Variants in VWA8 observed in about 807,000 individuals in gnomAD.
VWA8 encodes the protein von Willebrand factor A domain containing 8, also known as von Willebrand factor A domain-containing protein 8.
In VWA8, 221 loss-of-function variants were observed where a neutral mutation model predicts 241.5. The ratio of observed to expected loss-of-function variants is 0.91; its 90% CI spans 0.82 to 1.02. The LOEUF (loss-of-function observed/expected upper bound fraction) is 1.02, where lower values mean the gene tolerates loss of function less well. VWA8 is among the 50% of genes least tolerant of loss of function. The pLI, the probability that VWA8 is intolerant of heterozygous loss-of-function variation, is 0.00. For missense variants in VWA8, 2,322 were observed against 2,328.7 expected (o/e 1.00, Z 0.06); for synonymous variants, 852 against 827.1 (o/e 1.03, Z -0.52).
intron 37 of VWA8, among the ~76,000 whole-genome samples, chr13:41,660,566 G>T (rs1410802228): frequency 6.6e-6 from 1 of 152,182 alleles, no homozygotes; most frequent in East Asian, 1.9e-4. Context: ...GGACTCCCAA[G>T]AGTCCCATTC....
intron 4 of VWA8, 121 bp downstream of exon 4, chr13:41,907,465 T>C (rs1441809365): frequency 5.2e-6 from 4 of 767,424 alleles, no homozygotes; most frequent in Non-Finnish European, 8.5e-6. Context: ...TAAATCTGTC[T>C]AGAGAGAGCA....
chr13:41,828,545 A>G (rs1041600875), intron 14 of VWA8, among the ~76,000 whole-genome samples: 2 of 152,234 alleles, frequency 1.3e-5, no homozygotes, highest in Non-Finnish European at 2.9e-5. Context: ...AAAATGTCAA[A>G]AATAGACTAC....
intron 42 of VWA8, among the ~76,000 whole-genome samples, chr13:41,576,691 A>AAGAT (rs1311133103): frequency 2.0e-5 from 3 of 152,230 alleles, no homozygotes; most frequent in African/African-American, 7.2e-5. Context: ...AAATATGTAA[A>AAGAT]AGATATACAT....
At chr13:41,855,796 T>C (rs1872724016) in intron 12 of VWA8, among the ~76,000 whole-genome samples, 1 of 152,140 alleles carries the variant, frequency 6.6e-6, no homozygotes. Context: ...ATGTATGAAT[T>C]ATACCTCAGT....
At chr13:41,935,138 C>T (rs1340452915) in intron 2 of VWA8, among the ~76,000 whole-genome samples, 3 of 152,148 alleles carry the variant, frequency 2.0e-5, no homozygotes, top group East Asian at 1.9e-4. Context: ...CTGACATGCA[C>T]GAAAGGAGCA....
rs754590759 is a variant in VWA8, at chr13:41,891,421, C to A, written c.650G>T (p.Arg217Leu). ...MSAERYDKLLRDHTKKELDSW... is the reference protein window; with the variant it reads ...MSAERYDKLLLDHTKKELDSW... The stretch of plus-strand genomic sequence containing the variant: ...AGCAACAGGATTTTCTTTTCTTACT[C>A]GGAGAAGTTTGTCGTAACGCTCAGC... The change falls in exon 5 of 45, where the codon CGA becomes CTA. Residue 217 changes from arginine (R) to leucine (L), a missense_variant and splice_region_variant. Coordinates refer to ENST00000379310, the MANE Select transcript of VWA8 (RefSeq NM_015058.2). 6 of 1,614,018 alleles carry A rather than the reference C, an allele frequency of 3.7e-6. No individual in the cohort carries two copies. The highest frequency in any genetic ancestry group is 1.1e-5 in the South Asian group (1 of 91,046).
At chr13:41,615,171 G>T in intron 37 of VWA8, 87 bp from the exon 38 acceptor site, 2 of 1,348,072 alleles carry the variant, frequency 1.5e-6, no homozygotes, top group South Asian at 1.3e-5. Context: ...TTTCTCCTAA[G>T]TCCTTAAGGT....
At chr13:41,805,995 C>CAAAAAA (rs1215137704) in intron 17 of VWA8, among the ~76,000 whole-genome samples, 1 of 86,522 alleles carries the variant, frequency 1.2e-5, no homozygotes, top group African/African-American at 3.8e-5. Context: ...TTAAAAAATT[C>CAAAAAA]AAAAATAAAA....
intron 39 of VWA8, among the ~76,000 whole-genome samples, chr13:41,608,463 C>T (rs967367936): frequency 1.3e-5 from 2 of 152,210 alleles, no homozygotes; most frequent in East Asian, 1.9e-4. Flanking sequence ...AGCTGCTTCA[C>T]ATCCTAGTAA....
At chr13:41,593,929 T>C (rs2044472547) in intron 40 of VWA8, among the ~76,000 whole-genome samples, 1 of 152,130 alleles carries the variant, frequency 6.6e-6, no homozygotes, top group Non-Finnish European at 1.5e-5. Context: ...GTATATAACA[T>C]GTTACTTATT....
At chr13:41,848,841 A>C (rs1292688645) in intron 12 of VWA8, among the ~76,000 whole-genome samples, 2 of 152,174 alleles carry the variant, frequency 1.3e-5, no homozygotes, top group African/African-American at 4.8e-5. Context: ...GCAGCTACCT[A>C]AATCTGGGAG....
intron 38 of VWA8, among the ~76,000 whole-genome samples, chr13:41,612,222 T>C (rs1394969263): frequency 6.6e-6 from 1 of 152,098 alleles, no homozygotes; most frequent in Non-Finnish European, 1.5e-5. Context: ...ATAAATACTG[T>C]TTTTTTCTGT....
chr13:41,685,202 A>C lies in VWA8; in HGVS notation c.4172T>G (p.Leu1391Trp). The C allele has an allele frequency of 6.2e-7, 1 of 1,613,276 alleles. No homozygotes were observed. The highest frequency in any genetic ancestry group is 8.5e-7 in the Non-Finnish European group (1 of 1,179,648). ...TGTATCAGTGCCACTTCGTTTATGC[A>C]AAGATGATGGTCTCTTCCAAGAATA... ...EVYSWKRPSSLHKRSGTDTSF... is the reference protein window; with the variant it reads ...EVYSWKRPSSWHKRSGTDTSF... The change falls in exon 35 of 45, where the codon TTG (leucine) becomes TGG (tryptophan). Residue 1391 changes from leucine to tryptophan, a missense_variant. Physicochemically the swap from Leu to Trp is moderately conservative, Grantham distance 61 (BLOSUM62 -2). Transcript: ENST00000379310.
intron 41 of VWA8, 127 bp downstream of exon 41, chr13:41,590,513 T>A: frequency 4.2e-6 from 4 of 958,472 alleles, no homozygotes; most frequent in Non-Finnish European, 5.8e-6. Flanking sequence ...TTTTTTTTTT[T>A]AACATAATGC....
intron 40 of VWA8, among the ~76,000 whole-genome samples, chr13:41,601,324 T>C (rs1253505975): frequency 6.6e-6 from 1 of 152,120 alleles, no homozygotes; most frequent in African/African-American, 2.4e-5. Context: ...ATCTTATCAA[T>C]CTCTGTGCCC....
At chr13:41,618,005 G>T (rs2044632827) in intron 37 of VWA8, among the ~76,000 whole-genome samples, 1 of 152,168 alleles carries the variant, frequency 6.6e-6, no homozygotes, top group Non-Finnish European at 1.5e-5. Context: ...TAATGGGATG[G>T]CTGGGTCAAA....
chr13:41,787,617 C>T, intron 17 of VWA8, 74 bp from the exon 18 acceptor site: 1 of 759,130 alleles, frequency 1.3e-6, no homozygotes. Context: ...TACACACACA[C>T]ACACACACAC....
chr13:41,579,601 T>C (rs1424514814), intron 42 of VWA8, among the ~76,000 whole-genome samples: 2 of 152,230 alleles, frequency 1.3e-5, no homozygotes, highest in African/African-American at 4.8e-5. Context: ...CATGGGGTAA[T>C]ATCTGTCTTA....
Position 41,891,492 on chromosome 13 carries a change from C to A in VWA8, c.579G>T (p.Leu193=). ...RNVLPVLNNL[L]ENREMQLEDG... ...CTTCAAGCTGCATCTCTCTGTTTTC[C>A]AGCAAGTTGTTCAAAACAGGCAAAA... is the stretch of plus-strand genomic sequence containing the variant. Residue 193 remains leucine, a synonymous_variant, in exon 5 of 45, where the codon CTG becomes CTT. Transcript: ENST00000379310. 6.2e-7 allele frequency: 1 copy of A among 1,614,198 alleles called. No individual in the cohort carries two copies. Among genetic ancestry groups the A allele is most frequent in the Non-Finnish European group, 8.5e-7 (1 of 1,180,020 alleles).
Sources: gnomAD v4.1 joint callset for allele counts (sites outside exome capture counted in the v4.1 genomes callset) on GRCh38, gnomAD v4.1.1 for gene constraint, MANE v1.5 for transcripts, NCBI Gene and HGNC (gene_info 2026-07-23, HGNC 2026-07-21) for gene names.